Variants in ULK4 observed in about 807,000 individuals in gnomAD.
ULK4 encodes inactive serine/threonine-protein kinase ULK4.
ULK4 carries 133 observed loss-of-function variants against 160.6 expected under a neutral mutation model. The ratio of observed to expected loss-of-function variants is 0.83; its 90% CI spans 0.72 to 0.96. The LOEUF (loss-of-function observed/expected upper bound fraction) is 0.96. Ranked by LOEUF, ULK4 falls within the 40% of genes least tolerant of loss-of-function variation. ULK4 has a pLI of 0.00. For synonymous variants in ULK4, 534 were observed against 539.8 expected, an observed-to-expected ratio of 0.99 and a Z score of 0.15; for missense variants, 1,580 against 1,499.5, an observed-to-expected ratio of 1.05 and a Z score of -0.89.
rs1208227102 is a variant in ULK4, at chr3:41,295,294, TCAAAA to T, written c.3679-45725_3679-45721del. ...ATCTTTTACTCTCACAAAAATCAAC[TCAAAA>T]TGGATCACAGACCTAAATGTAAAAT... On this transcript the variant is annotated intron_variant, in intron 35 of 36. Transcript: ENST00000301831. 1.2e-4 allele frequency among the ~76,000 whole-genome samples: 11 copies of T among 94,646 alleles called. 3 individuals are homozygous for T. Among genetic ancestry groups the T allele is most frequent in the Non-Finnish European group, 2.0e-4 (8 of 39,702 alleles). The allele number at this position is 94,646 out of a possible 152,430, so 62.1% of individuals were successfully genotyped here. A position where few individuals can be genotyped will look rare whatever the true frequency, so the allele number is the denominator to read the frequency against.
At chr3:41,750,566 T>C (rs183860891) in intron 22 of ULK4, among the ~76,000 whole-genome samples, 1 of 152,332 alleles carries the variant, frequency 6.6e-6, no homozygotes, top group East Asian at 1.9e-4. Flanking sequence ...AAAGCACCAA[T>C]GCTATCCCTA....
intron 21 of ULK4, among the ~76,000 whole-genome samples, chr3:41,774,552 T>A (rs2039530344): frequency 6.7e-6 from 1 of 148,388 alleles, no homozygotes; most frequent in East Asian, 1.9e-4. Flanking sequence ...AGAATGGCGA[T>A]CATTAAAAAG....
intron 22 of ULK4, among the ~76,000 whole-genome samples, chr3:41,748,194 T>C (rs2038484452): frequency 6.8e-6 from 1 of 146,372 alleles, no homozygotes; most frequent in Admixed American, 6.7e-5. Context: ...GAGACGTATA[T>C]ATACCATATA....
chr3:41,886,377 A>G (rs1697721115), intron 16 of ULK4, among the ~76,000 whole-genome samples: 1 of 152,174 alleles, frequency 6.6e-6, no homozygotes, highest in Non-Finnish European at 1.5e-5. Flanking sequence ...AGTTTGTTGA[A>G]TAAATATATC....
chr3:41,412,469 A>C (rs1391093084), intron 34 of ULK4, among the ~76,000 whole-genome samples: 1 of 151,946 alleles, frequency 6.6e-6, no homozygotes, highest in East Asian at 1.9e-4. Flanking sequence ...AGAACATGGA[A>C]TAGCCAAAGC....
intron 31 of ULK4, among the ~76,000 whole-genome samples, chr3:41,581,107 A>C (rs911748311): frequency 6.6e-6 from 1 of 152,172 alleles, no homozygotes; most frequent in African/African-American, 2.4e-5. Flanking sequence ...TAATCAACCC[A>C]AGAACAATAT....
intron 30 of ULK4, among the ~76,000 whole-genome samples, chr3:41,618,764 A>C (rs2033101624): frequency 6.6e-6 from 1 of 152,202 alleles, no homozygotes; most frequent in Non-Finnish European, 1.5e-5. Context: ...GATCAAATTC[A>C]CACGGAACAA....
chr3:41,942,743 G>C (rs981553230), intron 2 of ULK4, among the ~76,000 whole-genome samples: 43 of 151,970 alleles, frequency 2.8e-4, no homozygotes, highest in African/African-American at 1.0e-3. Context: ...CTTGAACCCG[G>C]GAGGTGAGGC....
intron 17 of ULK4, among the ~76,000 whole-genome samples, chr3:41,875,092 T>C (rs1414267868): frequency 6.6e-6 from 1 of 152,124 alleles, no homozygotes; most frequent in Non-Finnish European, 1.5e-5. Flanking sequence ...AAGTGGGAGA[T>C]CAGTTGAGCC....
intron 32 of ULK4, among the ~76,000 whole-genome samples, chr3:41,506,135 T>C (rs558054061): frequency 2.0e-5 from 3 of 152,334 alleles, no homozygotes; most frequent in South Asian, 2.1e-4. Context: ...TCATCTTAAA[T>C]AGATCACAAG....
At chr3:41,486,661 G>A (rs1277675946) in intron 32 of ULK4, among the ~76,000 whole-genome samples, 1 of 152,138 alleles carries the variant, frequency 6.6e-6, no homozygotes, top group Admixed American at 6.5e-5. Context: ...GTCCTGAGTT[G>A]GAAGTATGGG....
intron 2 of ULK4, among the ~76,000 whole-genome samples, chr3:41,939,820 G>A (rs926853388): frequency 5.3e-5 from 8 of 152,058 alleles, no homozygotes; most frequent in Non-Finnish European, 1.2e-4. Context: ...ATCAGCAGTG[G>A]CATTAGATTC....
chr3:41,931,555 C>G (rs893914809), intron 5 of ULK4, among the ~76,000 whole-genome samples: 2 of 151,684 alleles, frequency 1.3e-5, no homozygotes, highest in Non-Finnish European at 2.9e-5. Flanking sequence ...CGCTAATGTG[C>G]CAGGCACCAT....
chr3:41,299,793 A>G (rs145081502), intron 35 of ULK4, among the ~76,000 whole-genome samples: 2,060 of 152,336 alleles, frequency 0.014, 34 homozygotes, highest in African/African-American at 0.046. Context: ...TATTATAATA[A>G]TCACTAATAG....
intron 31 of ULK4, among the ~76,000 whole-genome samples, chr3:41,602,155 T>G (rs2032107484): frequency 6.6e-6 from 1 of 151,184 alleles, no homozygotes; most frequent in Non-Finnish European, 1.5e-5. Flanking sequence ...ATGATCATGC[T>G]GCACCTAAAG....
At chr3:41,425,818 CA>C (rs1309687227) in intron 34 of ULK4, among the ~76,000 whole-genome samples, 1 of 152,172 alleles carries the variant, frequency 6.6e-6, no homozygotes, top group African/African-American at 2.4e-5. Context: ...CCAGCCACTG[CA>C]AAAACATACT....
At chr3:41,866,314 G>A (rs749931734) in intron 17 of ULK4, among the ~76,000 whole-genome samples, 1 of 152,116 alleles carries the variant, frequency 6.6e-6, no homozygotes, top group Non-Finnish European at 1.5e-5. Context: ...ATATAATTAA[G>A]TATCAATATA....
chr3:41,415,329 T>A (rs2082499712), intron 34 of ULK4, among the ~76,000 whole-genome samples: 1 of 152,158 alleles, frequency 6.6e-6, no homozygotes, highest in African/African-American at 2.4e-5. Context: ...CTGTCACCAC[T>A]GGATGAGAGA....
chr3:41,270,230 G>A (rs907767917), intron 35 of ULK4, among the ~76,000 whole-genome samples: 2 of 152,184 alleles, frequency 1.3e-5, no homozygotes, highest in African/African-American at 4.8e-5. Flanking sequence ...AGGCGGGGGA[G>A]GATACAAACC....
Sources: allele counts gnomAD v4.1 joint callset (sites outside exome capture counted in the v4.1 genomes callset), GRCh38; gene constraint gnomAD v4.1.1; transcripts MANE v1.5; gene names NCBI Gene and HGNC (gene_info 2026-07-23, HGNC 2026-07-21).